Variants in INTS1 observed in about 807,000 individuals in gnomAD.
INTS1 encodes the protein integrator complex subunit 1.
Under a neutral mutation model 241.6 loss-of-function variants are expected in INTS1, and 137 were observed. That is an observed-to-expected ratio of 0.57 (90% CI 0.49 to 0.65). The LOEUF (loss-of-function observed/expected upper bound fraction) is 0.65. Ranked by LOEUF, INTS1 falls within the 30% of genes least tolerant of loss-of-function variation. The pLI, the probability that INTS1 is intolerant of heterozygous loss-of-function variation, is 0.00. For missense variants in INTS1, 3,073 were observed against 3,032.2 expected (o/e 1.01, Z -0.32); for synonymous variants, 1,692 against 1,337.8 (o/e 1.26, Z -5.78).
In INTS1 at chr7:1,497,816, A is replaced by T. The variant is rs1222245765; in HGVS notation, c.1426-502T>A. Among the ~76,000 whole-genome samples the T allele has an allele frequency of 6.6e-6, 1 of 152,226 alleles. No homozygotes were observed. The highest frequency in any genetic ancestry group is 1.5e-5 in the Non-Finnish European group (1 of 68,042). ...CGGGAGGCCTAATGCGCTGGTGGCG[A>T]TGGGAGCATCTCCCGAGCCCGCTTC... On this transcript the variant is annotated intron_variant, in intron 10 of 47. Transcript: ENST00000404767. This position sits in a 1 kb window ranked among gnomAD's most constrained non-coding sequence, Gnocchi z 5.3.
Position 1,487,042 on chromosome 7 carries a change from C to T in INTS1, c.2706G>A (p.Leu902=), listed in dbSNP as rs2128538999. 1 of 1,584,372 alleles carries T rather than the reference C, an allele frequency of 6.3e-7. No homozygotes were observed. Among genetic ancestry groups the T allele is most frequent in the East Asian group, 2.3e-5 (1 of 43,568 alleles). Residue 902 remains leucine, a synonymous_variant, in exon 21 of 48, where the codon CTG becomes CTA. Transcript: ENST00000404767. ...ADLVQSSEGS[L]DVLPVQCLCE... is the part of the protein sequence containing the mutation. Reference sequence around the variant, plus strand: ...ACAGACACTGCACGGGCAGCACGTCCAGGGAGCCCTCGCTGGACTGTACCA... The same window carrying T: ...ACAGACACTGCACGGGCAGCACGTCTAGGGAGCCCTCGCTGGACTGTACCA...
At position 1,476,010 on chromosome 7, in the gene INTS1, G is replaced by C; in HGVS notation, c.5440C>G (p.Arg1814Gly). The C allele has an allele frequency of 6.5e-7, 1 of 1,545,802 alleles. No individual in the cohort carries two copies. The highest frequency in any genetic ancestry group is 8.7e-7 in the Non-Finnish European group (1 of 1,146,726). ...AGTAGGACCTCAGGCACGGGCACCC[G>C]CAGCTCCGGCCGCTGTAGGTAGAGC... ...LQLYLQRPEL[R>G]VPVPEVLLHS... Residue 1814 changes from arginine (R) to glycine (G), a missense_variant, in exon 39 of 48, where the codon CGG becomes GGG. Arg to Gly is a moderately radical substitution (Grantham distance 125). Coordinates refer to ENST00000404767, the MANE Select transcript of INTS1 (RefSeq NM_001080453.3).
At chr7:1,482,021 G>A (rs554757498) in intron 27 of INTS1, among the ~76,000 whole-genome samples, 21 of 152,202 alleles carry the variant, frequency 1.4e-4, no homozygotes, top group East Asian at 7.7e-4. Flanking sequence ...GGTGGCTTCC[G>A]GGGGCACACA....
In INTS1 at chr7:1,493,628, G is replaced by T. The variant is rs926539261; in HGVS notation, c.2068+126C>A. 6.9e-6 allele frequency: 9 copies of T among 1,297,456 alleles called. No individual in the cohort carries two copies. Among genetic ancestry groups the T allele is most frequent in the Non-Finnish European group, 7.2e-6 (7 of 976,038 alleles). 80.4% of individuals were successfully genotyped at this position (1,297,456 alleles called of 1,614,324 possible). On this transcript the variant is annotated intron_variant, in intron 15 of 47. Transcript: ENST00000404767. The surrounding 1 kb of genome is among the most constrained non-coding windows in gnomAD (Gnocchi z 5.3). ...AGAAGGCAGGTCCCCGAGCCTCCCG[G>T]GGACCCAGGACCCAGCTGAAGCGCA...
rs1781397874 is a variant in INTS1, at chr7:1,470,373, C to T, written c.*204G>A. On this transcript the variant is annotated 3_prime_UTR_variant, in exon 48 of 48. Coordinates refer to ENST00000404767, the MANE Select transcript of INTS1 (RefSeq NM_001080453.3). ...CTGTGGCCCAGAAGGTGAATGAGGG[C>T]TTGCTGGACGGCCCCTGATGCCAGC... 3 of 514,276 alleles carry T rather than the reference C, an allele frequency of 5.8e-6. No individual in the cohort carries two copies. The highest frequency in any genetic ancestry group is 2.0e-5 in the African/African-American group (1 of 49,642). 31.9% of individuals were successfully genotyped at this position (514,276 alleles called of 1,614,324 possible). A position where few individuals can be genotyped will look rare whatever the true frequency, so the allele number is the denominator to read the frequency against.
Position 1,479,590 on chromosome 7 carries a change from C to T in INTS1, c.4169G>A (p.Arg1390His), listed in dbSNP as rs767899654. The change falls in exon 31 of 48, where the codon CGC becomes CAC. Residue 1390 changes from arginine (R) to histidine (H), a missense_variant. Coordinates refer to ENST00000404767, the MANE Select transcript of INTS1 (RefSeq NM_001080453.3). ...LQQALGQELA[R>H]VVQGSPEVPG... ...CACCTCGGGGCTGCCCTGGACGACG[C>T]GGGCCAGCTCCTGGCCCAGGGCCTG... The T allele has an allele frequency of 2.0e-5, 31 of 1,538,884 alleles. No individual in the cohort carries two copies. Among genetic ancestry groups the T allele is most frequent in the Admixed American group, 5.9e-5 (3 of 50,720 alleles).
At chr7:1,472,527 G>C in intron 43 of INTS1, 141 bp from the exon 44 acceptor site, 1 of 603,946 alleles carries the variant, frequency 1.7e-6, no homozygotes, top group Non-Finnish European at 2.9e-6. Context: ...CTCCACAAAT[G>C]GGGTGGAGCC....
In INTS1 at chr7:1,478,245, C is replaced by A. The variant is rs549869355; in HGVS notation, c.4630+121G>T. 19 of 1,149,266 alleles carry A rather than the reference C, an allele frequency of 1.7e-5. No individual in the cohort carries two copies. The East Asian group carries it at 4.6e-4, about 28-fold the overall frequency. The allele number at this position is 1,149,266 out of a possible 1,614,324, so 71.2% of individuals were successfully genotyped here. On this transcript the variant is annotated intron_variant, in intron 33 of 47. Transcript: ENST00000404767. ...CCATCTGGGAGGGGACCTCTGTGGGCACTTTCCGGGGACAGTGCTGAGCAG... is the reference window on the plus strand; with the variant it reads ...CCATCTGGGAGGGGACCTCTGTGGGAACTTTCCGGGGACAGTGCTGAGCAG...
chr7:1,502,873 T>G (rs999488526), intron 3 of INTS1, 28 bp downstream of exon 3: 1 of 1,611,650 alleles, frequency 6.2e-7, no homozygotes, highest in Non-Finnish European at 8.5e-7. Context: ...TGAGGGGTGT[T>G]CTCGGGGGAT....
Position 1,487,155 on chromosome 7 carries a change from G to A in INTS1, c.2647-54C>T, listed in dbSNP as rs117576254. 2,176 of 1,527,586 alleles carry A rather than the reference G, an allele frequency of 1.4e-3. 24 individuals carry two copies. The East Asian group carries it at 0.03, about 21-fold the overall frequency. The allele number at this position is 1,527,586 out of a possible 1,614,324, so 94.6% of individuals were successfully genotyped here. ...GCACCTTCCAGGCCCAACACCTGCCGCCAGCCCCCCGGGTGACCGCGGAGC... is the reference window on the plus strand; with the variant it reads ...GCACCTTCCAGGCCCAACACCTGCCACCAGCCCCCCGGGTGACCGCGGAGC... On this transcript the variant is annotated intron_variant, in intron 20 of 47. Transcript: ENST00000404767.
At chr7:1,503,746 T>A (rs918083010) in intron 2 of INTS1, among the ~76,000 whole-genome samples, 157 bp downstream of exon 2, 8 of 152,134 alleles carry the variant, frequency 5.3e-5, no homozygotes, top group Non-Finnish European at 1.0e-4. Flanking sequence ...TCAGAGCCGC[T>A]GAGGACCGAG....
In INTS1 at chr7:1,497,421, G is replaced by C; in HGVS notation, c.1426-107C>G. 8.3e-7 allele frequency: 1 copy of C among 1,208,542 alleles called. No homozygotes were observed. Among genetic ancestry groups the C allele is most frequent in the South Asian group, 1.6e-5 (1 of 63,472 alleles). The allele number at this position is 1,208,542 out of a possible 1,614,324, so 74.9% of individuals were successfully genotyped here. ...ATGGCGCCCGAGGGCGCTGCAGTGG[G>C]TCTCAGACAGTGTGGGGTGCGGGGT... On this transcript the variant is annotated intron_variant, in intron 10 of 47. Coordinates refer to ENST00000404767, the MANE Select transcript of INTS1 (RefSeq NM_001080453.3). The surrounding 1 kb of genome is among the most constrained non-coding windows in gnomAD (Gnocchi z 5.3).
Position 1,496,344 on chromosome 7 carries a change from G to A in INTS1, c.1603-80C>T, listed in dbSNP as rs546302663. On this transcript the variant is annotated intron_variant, in intron 11 of 47. Transcript: ENST00000404767. The stretch of plus-strand genomic sequence containing the variant: ...CACACCCACGTGGGCGCGGCACGGG[G>A]TCTGTATCCAGAAGGGACACCCGGG... 7.8e-4 allele frequency: 428 copies of A among 546,912 alleles called. 2 individuals are homozygous for A. Among genetic ancestry groups the A allele is most frequent in the Middle Eastern group, 3.9e-3 (10 of 2,578 alleles). 33.9% of individuals were successfully genotyped at this position (546,912 alleles called of 1,614,324 possible).
rs768932722 is a variant in INTS1 at position 1,485,155 on chromosome 7, G to T, written c.3204C>A (p.Ile1068=). The T allele has an allele frequency of 6.2e-7, 1 of 1,601,078 alleles. No individual in the cohort carries two copies. Among genetic ancestry groups the T allele is most frequent in the East Asian group, 2.2e-5 (1 of 44,872 alleles). Residue 1068 remains isoleucine (I), a synonymous_variant, in exon 24 of 48, where the codon ATC becomes ATA. Coordinates refer to ENST00000404767, the MANE Select transcript of INTS1 (RefSeq NM_001080453.3). ...CCACAGGCGTGTGCTGGGACAAGTA[G>T]ATCAGGTAGGCGCTGATGGTCTGGG... is the stretch of plus-strand genomic sequence containing the variant. The part of the protein sequence containing the change: ...TDPQTISAYL[I]YLSQHTPVEE...
Position 1,499,463 on chromosome 7 carries a change from T to C in INTS1, c.844+10A>G, listed in dbSNP as rs1268027248. ...GACACCCGCCCTCTCTGGCTGGCCG[T>C]GTGTCTCACCTGCACCCAGGTCGCC... is the stretch of plus-strand genomic sequence containing the variant. On this transcript the variant is annotated intron_variant, in intron 6 of 47. Transcript: ENST00000404767. The C allele has an allele frequency of 6.6e-7, 1 of 1,511,094 alleles. No individual in the cohort carries two copies. 93.6% of individuals were successfully genotyped at this position (1,511,094 alleles called of 1,614,324 possible).
Position 1,497,107 on chromosome 7 carries a change from G to T in INTS1, c.1602+31C>A, listed in dbSNP as rs1376372909. The T allele has an allele frequency of 7.0e-6, 11 of 1,572,660 alleles. No individual in the cohort carries two copies. The highest frequency in any genetic ancestry group is 9.5e-6 in the Non-Finnish European group (11 of 1,162,524). The stretch of plus-strand genomic sequence containing the variant: ...GGCGGCGCGTGGAACCCGCAGTGAG[G>T]GAAAGGCGCCCCAGCGGCGAGGGCT... On this transcript the variant is annotated intron_variant, in intron 11 of 47. Coordinates refer to ENST00000404767, the MANE Select transcript of INTS1 (RefSeq NM_001080453.3). This position sits in a 1 kb window ranked among gnomAD's most constrained non-coding sequence, Gnocchi z 5.3.
intron 2 of INTS1, 33 bp downstream of exon 2, chr7:1,503,869 AC>A (rs1190068149): frequency 1.3e-6 from 2 of 1,482,196 alleles, no homozygotes; most frequent in South Asian, 1.2e-5. Context: ...ACCCCCAAAG[AC>A]CCCCGGGCTG....
chr7:1,476,158 C>A (rs149166480), intron 38 of INTS1, 71 bp downstream of exon 38: 2 of 1,526,222 alleles, frequency 1.3e-6, no homozygotes, highest in African/African-American at 2.7e-5. Context: ...TGGGAACCCA[C>A]CCAGGGCTGG....
At chr7:1,495,035 A>T in intron 13 of INTS1, 142 bp from the exon 14 acceptor site, 1 of 939,408 alleles carries the variant, frequency 1.1e-6, no homozygotes, top group Non-Finnish European at 1.6e-6. Flanking sequence ...GCACCTCCTC[A>T]CAGCACCACC....
Sources: allele counts gnomAD v4.1 joint callset (sites outside exome capture counted in the v4.1 genomes callset), GRCh38; gene constraint gnomAD v4.1.1; non-coding constraint Gnocchi (gnomAD v3.1); transcripts MANE v1.5; gene names NCBI Gene and HGNC (gene_info 2026-07-23, HGNC 2026-07-21).